PPP2R2B: variants seen among roughly 807,000 people sequenced by gnomAD.
The protein encoded by PPP2R2B is protein phosphatase 2 regulatory subunit Bbeta, also known as serine/threonine-protein phosphatase 2A 55 kDa regulatory subunit B beta isoform.
In PPP2R2B, 5 loss-of-function variants were observed where a neutral mutation model predicts 46.0. The ratio of observed to expected loss-of-function variants is 0.11; its 90% CI spans 0.06 to 0.23. PPP2R2B has a LOEUF of 0.23. Among genes scored for constraint, PPP2R2B ranks in the 10% least tolerant of loss-of-function variants. PPP2R2B has a pLI of 1.00. For synonymous variants in PPP2R2B, 215 were observed against 206.7 expected, an observed-to-expected ratio of 1.04 and a Z score of -0.34; for missense variants, 367 against 575.0, an observed-to-expected ratio of 0.64 and a Z score of 3.70.
chr5:146,892,279 T>C (rs1251669117), intron 1 of PPP2R2B, among the ~76,000 whole-genome samples: 1 of 152,200 alleles, frequency 6.6e-6, no homozygotes, highest in Non-Finnish European at 1.5e-5. Context: ...TTTCTCATAG[T>C]GGGTTTGCAC....
intron 1 of PPP2R2B, among the ~76,000 whole-genome samples, chr5:147,049,900 T>A (rs1756722211): frequency 6.6e-6 from 1 of 152,208 alleles, no homozygotes; most frequent in African/African-American, 2.4e-5. Flanking sequence ...CAAGGCATTT[T>A]TCTGAAAAGA....
chr5:146,741,844 G>A (rs1403478963), intron 2 of PPP2R2B, among the ~76,000 whole-genome samples: 3 of 152,160 alleles, frequency 2.0e-5, no homozygotes, highest in Non-Finnish European at 4.4e-5. Flanking sequence ...AAATATTCTG[G>A]TTCAACAAGT....
At chr5:146,693,573 T>C (rs1446414511) in intron 4 of PPP2R2B, among the ~76,000 whole-genome samples, 2 of 152,166 alleles carry the variant, frequency 1.3e-5, no homozygotes, top group East Asian at 1.9e-4. Context: ...TAAAAAAATA[T>C]AGAACACCCA....
intron 7 of PPP2R2B, among the ~76,000 whole-genome samples, chr5:146,618,366 G>A (rs1302135236): frequency 2.6e-5 from 4 of 152,184 alleles, no homozygotes; most frequent in Non-Finnish European, 5.9e-5. Flanking sequence ...CCAGAAAGGA[G>A]CACAGCCCTG....
At chr5:146,830,065 T>C (rs1758832694) in intron 2 of PPP2R2B, among the ~76,000 whole-genome samples, 1 of 152,234 alleles carries the variant, frequency 6.6e-6, no homozygotes, top group African/African-American at 2.4e-5. Context: ...ATGGCTAGTA[T>C]ACAGTCAATG....
At chr5:146,710,978 G>GT (rs1366705046) in intron 2 of PPP2R2B, among the ~76,000 whole-genome samples, 2 of 152,180 alleles carry the variant, frequency 1.3e-5, no homozygotes, top group Non-Finnish European at 2.9e-5. Flanking sequence ...ACTGGCTCAG[G>GT]TATCACTTCC....
intron 8 of PPP2R2B, among the ~76,000 whole-genome samples, chr5:146,595,122 C>T (rs1771044524): frequency 6.6e-6 from 1 of 152,204 alleles, no homozygotes; most frequent in African/African-American, 2.4e-5. Flanking sequence ...CACTTCCAAA[C>T]AGTTCCAGGC....
At chr5:146,800,831 A>G (rs1756817425) in intron 2 of PPP2R2B, among the ~76,000 whole-genome samples, 1 of 152,088 alleles carries the variant, frequency 6.6e-6, no homozygotes, top group African/African-American at 2.4e-5. Flanking sequence ...GCTCATTGCA[A>G]CACCATTCCC....
At chr5:146,910,756 T>C (rs915680852) in intron 1 of PPP2R2B, among the ~76,000 whole-genome samples, 7 of 152,204 alleles carry the variant, frequency 4.6e-5, no homozygotes, top group African/African-American at 1.7e-4. Context: ...AGTTTCTTAC[T>C]TTTTTAAGAA....
upstream of PPP2R2B, chr5:146,878,765 G>T: frequency 1.2e-6 from 1 of 862,654 alleles, no homozygotes; most frequent in South Asian, 2.3e-5. This position sits in a 1 kb window ranked among gnomAD's most constrained non-coding sequence, Gnocchi z 4.5. Context: ...GCTGCAGGAG[G>T]CTGGAGGCGG....
At chr5:147,069,886 G>A (rs558587887) in intron 2 of PPP2R2B, among the ~76,000 whole-genome samples, 1 of 134,532 alleles carries the variant, frequency 7.4e-6, no homozygotes, top group East Asian at 2.3e-4. Context: ...CGCCTACCAG[G>A]TTCAAGCAAT....
At chr5:146,826,379 A>T (rs77249359) in intron 2 of PPP2R2B, among the ~76,000 whole-genome samples, 9 of 152,308 alleles carry the variant, frequency 5.9e-5, no homozygotes, top group Non-Finnish European at 1.0e-4. Context: ...CTTATTCTGA[A>T]GTAGAACCTT....
intron 1 of PPP2R2B, among the ~76,000 whole-genome samples, chr5:146,998,567 C>A (rs1251719847): frequency 1.3e-5 from 2 of 152,254 alleles, no homozygotes; most frequent in East Asian, 3.9e-4. Flanking sequence ...AAAACAGAAA[C>A]CTGATTTGCC....
intron 1 of PPP2R2B, among the ~76,000 whole-genome samples, chr5:147,005,909 T>C (rs1030775193): frequency 1.2e-4 from 18 of 152,114 alleles, no homozygotes; most frequent in African/African-American, 3.9e-4. Flanking sequence ...TAATTGAGGG[T>C]CTTCTCTGTA....
At chr5:147,015,422 T>C (rs763949464) in intron 1 of PPP2R2B, among the ~76,000 whole-genome samples, 7 of 151,652 alleles carry the variant, frequency 4.6e-5, no homozygotes, top group Non-Finnish European at 7.3e-5. Flanking sequence ...TTGCTTTGCT[T>C]TGTGCGTGCT....
chr5:147,045,767 C>T (rs558074074), intron 1 of PPP2R2B, among the ~76,000 whole-genome samples: 2 of 152,238 alleles, frequency 1.3e-5, no homozygotes, highest in East Asian at 1.9e-4. Context: ...GCTTCATCTC[C>T]ACTGTACCCC....
chr5:147,055,700 G>A (rs757893180), exon 1 of PPP2R2B: 69 of 1,612,932 alleles, frequency 4.3e-5, no homozygotes, highest in African/African-American at 1.5e-4. Context: ...GATGGTGTTC[G>A]GAGGTCTGAA....
chr5:146,845,194 T>C (rs578204111), intron 2 of PPP2R2B, among the ~76,000 whole-genome samples: 2 of 152,320 alleles, frequency 1.3e-5, no homozygotes, highest in African/African-American at 4.8e-5. Context: ...TCCCAGCTTA[T>C]GTCATCTCAA....
At chr5:146,799,915 G>A (rs141293888) in intron 2 of PPP2R2B, among the ~76,000 whole-genome samples, 3 of 151,924 alleles carry the variant, frequency 2.0e-5, no homozygotes, top group Admixed American at 6.5e-5. Context: ...GTATACTAAC[G>A]GCTGATGTCT....
Sources: allele counts gnomAD v4.1 joint callset (sites outside exome capture counted in the v4.1 genomes callset), GRCh38; gene constraint gnomAD v4.1.1; non-coding constraint Gnocchi (gnomAD v3.1); transcripts MANE v1.5; gene names NCBI Gene and HGNC (gene_info 2026-07-23, HGNC 2026-07-21).